ZNF385B: variants seen among roughly 807,000 people sequenced by gnomAD.
ZNF385B encodes zinc finger protein 533.
ZNF385B carries 23 observed loss-of-function variants against 39.2 expected under a neutral mutation model. The ratio of observed to expected loss-of-function variants is 0.59; its 90% CI spans 0.42 to 0.83. The LOEUF (loss-of-function observed/expected upper bound fraction) is 0.83, where lower values mean the gene tolerates loss of function less well. Ranked by LOEUF, ZNF385B falls within the 40% of genes least tolerant of loss-of-function variation. The pLI, the probability that ZNF385B is intolerant of heterozygous loss-of-function variation, is 0.00. For missense variants in ZNF385B, 552 were observed against 598.9 expected (o/e 0.92, Z 0.82); for synonymous variants, 205 against 222.6 (o/e 0.92, Z 0.70).
At chr2:179,464,243 T>C (rs978568801) in intron 6 of ZNF385B, among the ~76,000 whole-genome samples, 1 of 152,242 alleles carries the variant, frequency 6.6e-6, no homozygotes, top group African/African-American at 2.4e-5. Flanking sequence ...AGATTCTGGA[T>C]ATTAGCCCTT....
At chr2:179,756,327 T>A (rs1213299429) in intron 3 of ZNF385B, among the ~76,000 whole-genome samples, 1 of 152,244 alleles carries the variant, frequency 6.6e-6, no homozygotes, top group Non-Finnish European at 1.5e-5. Context: ...TTCTGGCTTG[T>A]AGAGTTTCTG....
At chr2:179,612,225 C>A (rs1024893219) in intron 3 of ZNF385B, among the ~76,000 whole-genome samples, 3 of 152,082 alleles carry the variant, frequency 2.0e-5, no homozygotes, top group Non-Finnish European at 2.9e-5. Context: ...GTCCTTGATG[C>A]CTTATTTAGT....
intron 3 of ZNF385B, among the ~76,000 whole-genome samples, chr2:179,746,195 T>C (rs1311173060): frequency 6.6e-6 from 1 of 152,134 alleles, no homozygotes; most frequent in East Asian, 1.9e-4. Context: ...CACCAAACCT[T>C]GTGGAATAAA....
At chr2:179,728,471 A>G (rs1226254758) in intron 3 of ZNF385B, among the ~76,000 whole-genome samples, 1 of 152,032 alleles carries the variant, frequency 6.6e-6, no homozygotes. Flanking sequence ...AGAAAACCCA[A>G]CTCTGATCTG....
At chr2:179,565,129 C>T (rs141612959) in intron 3 of ZNF385B, among the ~76,000 whole-genome samples, 17 of 152,154 alleles carry the variant, frequency 1.1e-4, no homozygotes, top group Admixed American at 5.2e-4. Flanking sequence ...CAAATGAATT[C>T]TTAAGAAGAA....
chr2:179,509,028 G>A (rs1253173467), intron 5 of ZNF385B, among the ~76,000 whole-genome samples: 1 of 150,128 alleles, frequency 6.7e-6, no homozygotes, highest in African/African-American at 2.5e-5. Flanking sequence ...CTCACTGTAA[G>A]CCCTGCCTCC....
At chr2:179,498,808 TAGAAAAAA>T (rs1048499630) in intron 5 of ZNF385B, among the ~76,000 whole-genome samples, 5 of 151,042 alleles carry the variant, frequency 3.3e-5, no homozygotes, top group African/African-American at 4.9e-5. Context: ...CCACATTTTG[TAGAAAAAA>T]AGAATAGAGT....
chr2:179,514,689 A>T (rs1024449371), intron 5 of ZNF385B, among the ~76,000 whole-genome samples: 1 of 152,144 alleles, frequency 6.6e-6, no homozygotes, highest in Non-Finnish European at 1.5e-5. Context: ...AGATATAAAG[A>T]TATGCAAAAA....
intron 1 of ZNF385B, among the ~76,000 whole-genome samples, chr2:179,810,751 A>G (rs963633511): frequency 6.6e-5 from 10 of 152,144 alleles, no homozygotes; most frequent in Non-Finnish European, 1.5e-5. Flanking sequence ...TTCTCTTCCA[A>G]GATGGTGGAA....
chr2:179,645,247 C>T (rs1451541130), intron 3 of ZNF385B, among the ~76,000 whole-genome samples: 1 of 152,176 alleles, frequency 6.6e-6, no homozygotes, highest in Non-Finnish European at 1.5e-5. Flanking sequence ...TTGTGACACC[C>T]AATCTTACAA....
intron 3 of ZNF385B, among the ~76,000 whole-genome samples, chr2:179,715,291 T>G (rs1016987057): frequency 6.6e-6 from 1 of 152,162 alleles, no homozygotes. Context: ...AATTCACATC[T>G]CACTTGGAAC....
At chr2:179,576,440 T>C (rs1377673804) in intron 3 of ZNF385B, among the ~76,000 whole-genome samples, 8 of 152,218 alleles carry the variant, frequency 5.3e-5, no homozygotes, top group Admixed American at 1.3e-4. Context: ...GAGCTTCACC[T>C]TCATCATGTC....
chr2:179,838,931 G>T (rs529610148), intron 1 of ZNF385B, among the ~76,000 whole-genome samples: 5 of 149,984 alleles, frequency 3.3e-5, no homozygotes, highest in African/African-American at 7.4e-5. Context: ...AAAAAAAAGG[G>T]GGGGGGGCAT....
intron 4 of ZNF385B, among the ~76,000 whole-genome samples, chr2:179,521,288 G>A (rs1007297252): frequency 6.7e-6 from 1 of 149,402 alleles, no homozygotes; most frequent in African/African-American, 2.5e-5. Flanking sequence ...CTGAGTTCAA[G>A]CAATTCTCCT....
At chr2:179,523,883 A>G (rs937848492) in intron 4 of ZNF385B, among the ~76,000 whole-genome samples, 3 of 152,160 alleles carry the variant, frequency 2.0e-5, no homozygotes, top group East Asian at 1.9e-4. Flanking sequence ...CATAGGATCA[A>G]ATGATCCTCT....
chr2:179,643,344 A>G (rs1254225274), intron 3 of ZNF385B, among the ~76,000 whole-genome samples: 2 of 152,186 alleles, frequency 1.3e-5, no homozygotes, highest in East Asian at 3.8e-4. Flanking sequence ...GATCAATGCA[A>G]GAAATTACAG....
At chr2:179,636,011 CA>C (rs1359305360) in intron 3 of ZNF385B, among the ~76,000 whole-genome samples, 1 of 151,936 alleles carries the variant, frequency 6.6e-6, no homozygotes, top group Non-Finnish European at 1.5e-5. Context: ...CAATAACCCC[CA>C]AAGAAAAAAT....
At chr2:179,483,578 A>G in intron 5 of ZNF385B, 144 bp from the exon 6 acceptor site, 1 of 1,067,110 alleles carries the variant, frequency 9.4e-7, no homozygotes, top group South Asian at 1.5e-5. Flanking sequence ...GCACTTCATG[A>G]AATGGTAGAC....
intron 3 of ZNF385B, among the ~76,000 whole-genome samples, chr2:179,601,789 T>C (rs1475986198): frequency 6.6e-6 from 1 of 152,188 alleles, no homozygotes; most frequent in African/African-American, 2.4e-5. Flanking sequence ...GAGCCAGCAA[T>C]ATTATTACAC....
Sources: gnomAD v4.1 joint callset for allele counts (sites outside exome capture counted in the v4.1 genomes callset) on GRCh38, gnomAD v4.1.1 for gene constraint, MANE v1.5 for transcripts, NCBI Gene and HGNC (gene_info 2026-07-23, HGNC 2026-07-21) for gene names.